RAB5A: variants seen among roughly 807,000 people sequenced by gnomAD.
The protein encoded by RAB5A is RAB5A, member RAS oncogene family.
RAB5A carries 8 observed loss-of-function variants against 25.7 expected under a neutral mutation model. The observed-to-expected ratio is 0.31, with a 90% CI of 0.18 to 0.56. The LOEUF is 0.56. RAB5A is among the 20% of genes least tolerant of loss of function. The pLI, the probability that RAB5A is intolerant of heterozygous loss-of-function variation, is 0.91. For synonymous variants in RAB5A, 98 were observed against 89.8 expected (o/e 1.09, Z -0.52); for missense variants, 192 against 259.7 (o/e 0.74, Z 1.79).
chr3:19,951,019 G>C lies in RAB5A; in HGVS notation c.121G>C (p.Val41Leu), dbSNP rs1296605076. 9.3e-6 allele frequency: 15 copies of C among 1,613,916 alleles called. No homozygotes were observed. Among genetic ancestry groups the C allele is most frequent in the Non-Finnish European group, 1.3e-5 (15 of 1,179,954 alleles). Reference sequence around the variant, plus strand: ...CAAATCAAGCCTAGTGCTTCGTTTTGTGAAAGGCCAATTTCATGAATTTCA... The same window carrying C: ...CAAATCAAGCCTAGTGCTTCGTTTTCTGAAAGGCCAATTTCATGAATTTCA... ...VGKSSLVLRFVKGQFHEFQES... is the reference protein window; with the variant it reads ...VGKSSLVLRFLKGQFHEFQES... Residue 41 changes from valine (V) to leucine (L), a missense_variant, in exon 2 of 6, where the codon GTG becomes CTG. Transcript: ENST00000273047.
Position 19,953,667 on chromosome 3 carries a change from C to T in RAB5A, c.163+2606C>T, listed in dbSNP as rs116335945. The stretch of plus-strand genomic sequence containing the variant: ...AAGTGATCTGCCTACCTCGGGCTCT[C>T]CAAGTGCTGGGATTACAGGCATGAG... On this transcript the variant is annotated intron_variant, in intron 2 of 5. Coordinates refer to ENST00000273047, the MANE Select transcript of RAB5A (RefSeq NM_004162.5). Among the ~76,000 whole-genome samples, 959 of 152,276 alleles carry T rather than the reference C, an allele frequency of 6.3e-3. 11 individuals carry two copies. The highest frequency in any genetic ancestry group is 0.021 in the African/African-American group (873 of 41,564).
intron 5 of RAB5A, among the ~76,000 whole-genome samples, chr3:19,979,435 C>T (rs887552994): frequency 6.6e-6 from 1 of 151,818 alleles, no homozygotes; most frequent in Non-Finnish European, 1.5e-5. Context: ...AGGCACCCAC[C>T]ACCATGCCCG....
intron 2 of RAB5A, among the ~76,000 whole-genome samples, chr3:19,957,800 T>C (rs188412382): frequency 6.6e-6 from 1 of 152,132 alleles, no homozygotes; most frequent in Admixed American, 6.5e-5. Flanking sequence ...CACCTCACAA[T>C]GTGTACATGT....
Position 19,980,579 on chromosome 3 carries a change from CCTCTTAAT to C in RAB5A, c.532+2180_532+2187del, listed in dbSNP as rs1417301796. Among the ~76,000 whole-genome samples the C allele has an allele frequency of 7.9e-5, 12 of 152,106 alleles. No homozygotes were observed. In the South Asian group the frequency reaches 1.0e-3, roughly 13 times the overall value. On this transcript the variant is annotated intron_variant, in intron 5 of 5. Coordinates refer to ENST00000273047, the MANE Select transcript of RAB5A (RefSeq NM_004162.5). ...ACTCGTTCTAGTTTACCTCCTTCATCCTCTTAATCTCACTCACCTCTGATTTAAACACT... is the reference window on the plus strand; with the variant it reads ...ACTCGTTCTAGTTTACCTCCTTCATCCTCACTCACCTCTGATTTAAACACT...
chr3:19,969,884 A>G (rs542431218), intron 2 of RAB5A, among the ~76,000 whole-genome samples: 10 of 152,056 alleles, frequency 6.6e-5, no homozygotes, highest in Admixed American at 2.6e-4. Flanking sequence ...CGGCTCTGCA[A>G]CCTCTGCCTC....
At chr3:19,954,281 C>T (rs779592773) in intron 2 of RAB5A, among the ~76,000 whole-genome samples, 2 of 152,170 alleles carry the variant, frequency 1.3e-5, no homozygotes, top group South Asian at 2.1e-4. Context: ...TCCCAAAGTG[C>T]TGGAATTATA....
chr3:19,963,585 G>A (rs1053703406), intron 2 of RAB5A, among the ~76,000 whole-genome samples: 4 of 152,016 alleles, frequency 2.6e-5, no homozygotes, highest in Admixed American at 6.6e-5. Flanking sequence ...GGAGTTTAAA[G>A]TTTTCCCTCT....
At chr3:19,973,479 C>T (rs936045618) in intron 2 of RAB5A, among the ~76,000 whole-genome samples, 6 of 149,656 alleles carry the variant, frequency 4.0e-5, no homozygotes, top group Non-Finnish European at 8.9e-5. Flanking sequence ...AGAGTACTGT[C>T]TTAGGGACTT....
Position 19,984,088 on chromosome 3 carries a change from C to T in RAB5A, c.*265C>T, listed in dbSNP as rs1295360808. On this transcript the variant is annotated 3_prime_UTR_variant, in exon 6 of 6. Transcript: ENST00000273047. ...TGGAAGGTTAGGGGGAATAATTTCT[C>T]ATCACTAGGAATATAGACAAATGAC... The T allele has an allele frequency of 7.2e-6, 3 of 416,556 alleles. No homozygotes were observed. Among genetic ancestry groups the T allele is most frequent in the Non-Finnish European group, 8.9e-6 (2 of 224,740 alleles). 25.8% of individuals were successfully genotyped at this position (416,556 alleles called of 1,614,324 possible).
At chr3:19,979,824 C>T (rs1190699588) in intron 5 of RAB5A, 2 of 152,040 alleles carry the variant, frequency 1.3e-5, no homozygotes, top group Non-Finnish European at 2.9e-5. Context: ...CAGCACTCTT[C>T]TCATCCCATA....
intron 2 of RAB5A, among the ~76,000 whole-genome samples, chr3:19,953,411 C>CT (rs11383693): frequency 0.23 from 31,065 of 134,478 alleles, 3,968 homozygotes; most frequent in Non-Finnish European, 0.28. Context: ...TCTGTTAATC[C>CT]TTTTTTTTTT....
intron 1 of RAB5A, chr3:19,947,938 C>G (rs753690422): frequency 4.6e-5 from 7 of 152,280 alleles, no homozygotes; most frequent in Non-Finnish European, 8.8e-5. Flanking sequence ...CTGTAGTTGG[C>G]TATTAGCTAC....
At chr3:19,982,203 A>C (rs1303870794) in intron 5 of RAB5A, among the ~76,000 whole-genome samples, 1 of 152,162 alleles carries the variant, frequency 6.6e-6, no homozygotes, top group Non-Finnish European at 1.5e-5. Flanking sequence ...GATGCACCAC[A>C]CTCTAACTTG....
chr3:19,957,029 C>T (rs1017574370), intron 2 of RAB5A, among the ~76,000 whole-genome samples: 3 of 149,594 alleles, frequency 2.0e-5, no homozygotes, highest in Admixed American at 6.7e-5. Flanking sequence ...GCAGCCTTGA[C>T]GTGGCCTCAA....
chr3:19,965,823 C>T (rs1696653488), intron 2 of RAB5A, among the ~76,000 whole-genome samples: 1 of 152,048 alleles, frequency 6.6e-6, no homozygotes. Flanking sequence ...GATCCTCCTG[C>T]CTGAGCCACA....
chr3:19,955,424 G>A (rs150388271), intron 2 of RAB5A, among the ~76,000 whole-genome samples: 3 of 152,132 alleles, frequency 2.0e-5, no homozygotes, highest in African/African-American at 4.8e-5. Context: ...GTAGAATCCC[G>A]TGTTGAATCA....
chr3:19,952,976 AG>A (rs1433359051), intron 2 of RAB5A, among the ~76,000 whole-genome samples: 2 of 152,054 alleles, frequency 1.3e-5, no homozygotes. Context: ...CATTTCCCAA[AG>A]TATATGTGCA....
In RAB5A at chr3:19,950,867, T is replaced by G; in HGVS notation, c.-32T>G. On this transcript the variant is annotated 5_prime_UTR_variant, in exon 2 of 6. Transcript: ENST00000273047. ...TGAATTCTGGAAGTTCATTGAAGAG[T>G]CTGAAATTAGGGACTTATTTCAAAT... is the stretch of plus-strand genomic sequence containing the variant. The G allele has an allele frequency of 6.3e-7, 1 of 1,589,990 alleles. No individual in the cohort carries two copies.
intron 5 of RAB5A, among the ~76,000 whole-genome samples, chr3:19,981,871 G>C (rs1365618685): frequency 2.0e-5 from 3 of 152,158 alleles, no homozygotes; most frequent in Non-Finnish European, 4.4e-5. Context: ...AGTTTTTGGA[G>C]ATGAGGTCTT....
Sources: gnomAD v4.1 joint callset for allele counts (sites outside exome capture counted in the v4.1 genomes callset) on GRCh38, gnomAD v4.1.1 for gene constraint, MANE v1.5 for transcripts, NCBI Gene and HGNC (gene_info 2026-07-23, HGNC 2026-07-21) for gene names.